The following PRKG1 variants were observed in gnomAD, a reference collection of about 807,000 sequenced individuals.
The protein encoded by PRKG1 is protein kinase cGMP-dependent 1, also known as cGMP-dependent protein kinase 1.
PRKG1 carries 35 observed loss-of-function variants against 88.1 expected under a neutral mutation model. The observed-to-expected ratio is 0.40, with a 90% confidence interval of 0.30 to 0.53. The LOEUF (loss-of-function observed/expected upper bound fraction) is 0.53. Ranked by LOEUF, PRKG1 falls within the 20% of genes least tolerant of loss-of-function variation. PRKG1 has a pLI of 0.59. For synonymous variants in PRKG1, 303 were observed against 292.5 expected (o/e 1.04, Z -0.37); for missense variants, 540 against 839.8 (o/e 0.64, Z 4.41).
chr10:51,209,112 T>C (rs769814218), intron 2 of PRKG1, among the ~76,000 whole-genome samples: 1 of 152,154 alleles, frequency 6.6e-6, no homozygotes, highest in African/African-American at 2.4e-5. Context: ...CACTTTCAGG[T>C]TTCTGTGTTT....
intron 1 of PRKG1, among the ~76,000 whole-genome samples, chr10:51,129,659 A>G (rs1845515668): frequency 1.3e-5 from 2 of 151,842 alleles, no homozygotes. Context: ...TGGATATGAC[A>G]CAAACTAGAG....
At chr10:51,605,698 G>C (rs1838746410) in intron 3 of PRKG1, among the ~76,000 whole-genome samples, 2 of 152,158 alleles carry the variant, frequency 1.3e-5, no homozygotes, top group Non-Finnish European at 2.9e-5. Flanking sequence ...AACATTTAAA[G>C]TGTGTTTTAT....
chr10:52,184,132 A>G (rs1165578631), intron 9 of PRKG1, among the ~76,000 whole-genome samples: 1 of 152,190 alleles, frequency 6.6e-6, no homozygotes, highest in Non-Finnish European at 1.5e-5. Context: ...TCGTCAATCT[A>G]TATTATTTTA....
At chr10:52,040,181 C>T (rs1368235914) in intron 5 of PRKG1, among the ~76,000 whole-genome samples, 14 of 152,150 alleles carry the variant, frequency 9.2e-5, no homozygotes, top group East Asian at 7.7e-4. Context: ...GTAAATTCTA[C>T]ATACATTTGA....
intron 5 of PRKG1, among the ~76,000 whole-genome samples, chr10:52,026,941 C>T (rs965079084): frequency 6.6e-6 from 1 of 152,162 alleles, no homozygotes; most frequent in South Asian, 2.1e-4. Flanking sequence ...CTCGCCACTG[C>T]ACTCCAGCCT....
chr10:51,138,454 A>G (rs1462027286), intron 1 of PRKG1, among the ~76,000 whole-genome samples: 1 of 152,136 alleles, frequency 6.6e-6, no homozygotes, highest in African/African-American at 2.4e-5. Flanking sequence ...CCTTTCTGCA[A>G]AGTGGTTTTT....
In PRKG1 at chr10:51,804,637, A is replaced by T. The variant is rs374706235; in HGVS notation, c.645A>T (p.Ile215=). The change falls in exon 4 of 18, where the codon ATA becomes ATT. Residue 215 remains isoleucine, a synonymous_variant. Transcript: ENST00000373980. ...WAIDRQCFQT[I]MMRTGLIKHT... ...TTGATCGACAATGTTTTCAAACAAT[A>T]ATGATGAGGACAGGACTCATCAAGC... 6.2e-6 allele frequency: 10 copies of T among 1,604,512 alleles called. No homozygotes were observed. The highest frequency in any genetic ancestry group is 8.5e-6 in the Non-Finnish European group (10 of 1,171,696).
chr10:51,701,672 T>G (rs888755059), intron 3 of PRKG1, among the ~76,000 whole-genome samples: 3 of 152,222 alleles, frequency 2.0e-5, no homozygotes, highest in Non-Finnish European at 4.4e-5. Flanking sequence ...CATACCTTTT[T>G]TATACACATT....
chr10:51,477,293 A>G (rs910528569), intron 3 of PRKG1, among the ~76,000 whole-genome samples: 3 of 150,610 alleles, frequency 2.0e-5, no homozygotes, highest in Non-Finnish European at 3.0e-5. Context: ...GAAAGGAAAG[A>G]CAGAAAGATT....
At chr10:51,300,790 T>C (rs1840862776) in intron 2 of PRKG1, among the ~76,000 whole-genome samples, 1 of 152,244 alleles carries the variant, frequency 6.6e-6, no homozygotes, top group Non-Finnish European at 1.5e-5. Flanking sequence ...TCCAGAATTA[T>C]ATTCAGCAGC....
intron 4 of PRKG1, among the ~76,000 whole-genome samples, chr10:51,899,975 A>T (rs1278612742): frequency 6.6e-6 from 1 of 151,948 alleles, no homozygotes; most frequent in Admixed American, 6.6e-5. Context: ...TCACCATGCT[A>T]TGCGCCTGAT....
intron 4 of PRKG1, among the ~76,000 whole-genome samples, chr10:51,855,059 G>A (rs1425133343): frequency 6.6e-6 from 1 of 152,130 alleles, no homozygotes; most frequent in African/African-American, 2.4e-5. Flanking sequence ...CTTAAATAGT[G>A]CAATTCGGTG....
chr10:51,770,003 A>T (rs182566221), intron 3 of PRKG1, among the ~76,000 whole-genome samples: 1 of 152,242 alleles, frequency 6.6e-6, no homozygotes, highest in Non-Finnish European at 1.5e-5. Flanking sequence ...CTGTTGTGCC[A>T]GTCTTCCCTA....
intron 9 of PRKG1, among the ~76,000 whole-genome samples, chr10:52,189,113 C>A (rs1373743361): frequency 6.6e-6 from 1 of 152,064 alleles, no homozygotes; most frequent in Non-Finnish European, 1.5e-5. Flanking sequence ...CAATTTTTAT[C>A]AAAATACTTT....
chr10:51,739,374 T>C (rs114778271), intron 3 of PRKG1, among the ~76,000 whole-genome samples: 87 of 152,316 alleles, frequency 5.7e-4, no homozygotes, highest in African/African-American at 2.0e-3. Context: ...TCATTCATCT[T>C]GATACTAGGT....
chr10:52,153,288 T>C (rs1214063995), intron 8 of PRKG1, among the ~76,000 whole-genome samples: 2 of 152,166 alleles, frequency 1.3e-5, no homozygotes, highest in African/African-American at 4.8e-5. Context: ...AAATCCTATT[T>C]CAATAAAAAT....
intron 2 of PRKG1, among the ~76,000 whole-genome samples, chr10:51,212,729 C>G (rs1838257325): frequency 6.6e-6 from 1 of 152,204 alleles, no homozygotes; most frequent in South Asian, 2.1e-4. Context: ...CTCATCATCA[C>G]TGGCCATCAG....
At chr10:51,435,084 T>A (rs1277692420) in intron 2 of PRKG1, among the ~76,000 whole-genome samples, 1 of 152,058 alleles carries the variant, frequency 6.6e-6, no homozygotes, top group African/African-American at 2.4e-5. Flanking sequence ...ACTCTATTTA[T>A]AAAAGGCAGG....
chr10:51,400,450 G>A (rs1398482510), intron 2 of PRKG1, among the ~76,000 whole-genome samples: 1 of 152,064 alleles, frequency 6.6e-6, no homozygotes, highest in African/African-American at 2.4e-5. Context: ...CTTCTGCCAG[G>A]GTAATGGTAA....
Sources: allele counts gnomAD v4.1 joint callset (sites outside exome capture counted in the v4.1 genomes callset), GRCh38; gene constraint gnomAD v4.1.1; transcripts MANE v1.5; gene names NCBI Gene and HGNC (gene_info 2026-07-23, HGNC 2026-07-21).